ZNF451: variants seen among roughly 807,000 people sequenced by gnomAD.
The protein encoded by ZNF451 is zinc finger protein 451, also known as E3 SUMO-protein ligase ZNF451.
In ZNF451, 80 loss-of-function variants were observed where a neutral mutation model predicts 107.1. The ratio of observed to expected loss-of-function variants is 0.75; its 90% confidence interval spans 0.62 to 0.90. ZNF451 has a LOEUF of 0.90. ZNF451 is among the 40% of genes least tolerant of loss of function. The probability of loss-of-function intolerance (pLI) is 0.00; values close to 1 mark genes in which losing one functional copy is unlikely to be tolerated. For synonymous variants in ZNF451, 362 were observed against 406.5 expected (o/e 0.89, Z 1.32); for missense variants, 1,107 against 1,236.2 (o/e 0.90, Z 1.57).
chr6:57,108,260 T>C (rs762868447), intron 3 of ZNF451: 52 of 985,342 alleles, frequency 5.3e-5, no homozygotes, highest in Non-Finnish European at 5.9e-5. Context: ...TGAGCTATCA[T>C]AGTACTGTTT....
At chr6:57,104,486 TA>T in intron 3 of ZNF451, 2 of 985,424 alleles carry the variant, frequency 2.0e-6, no homozygotes, top group Non-Finnish European at 2.4e-6. Flanking sequence ...GAAATACTCT[TA>T]TTTCAAACCT....
chr6:57,105,027 A>G lies in ZNF451; in HGVS notation c.186+5886A>G, dbSNP rs535384142. On this transcript the variant is annotated intron_variant, in intron 3 of 14. Coordinates refer to ENST00000370706, the MANE Select transcript of ZNF451 (RefSeq NM_001031623.3). ...TTTTTATTATTTTAAAATCTCTGGCATACTTGAATGATAATGTTATAAAAC... is the reference window on the plus strand; with the variant it reads ...TTTTTATTATTTTAAAATCTCTGGCGTACTTGAATGATAATGTTATAAAAC... 49 of 983,600 alleles carry G rather than the reference A, an allele frequency of 5.0e-5. No individual in the cohort carries two copies. In the African/African-American group the frequency reaches 6.8e-4, roughly 14 times the overall value. 60.9% of individuals were successfully genotyped at this position (983,600 alleles called of 1,614,324 possible). A position where few individuals can be genotyped will look rare whatever the true frequency, so the allele number is the denominator to read the frequency against.
chr6:57,104,387 T>G (rs1490142571), intron 3 of ZNF451: 1 of 985,386 alleles, frequency 1.0e-6, no homozygotes. Flanking sequence ...TGTTTCTGAC[T>G]AGCTAAGGCT....
In ZNF451 at chr6:57,124,746, C is replaced by G; in HGVS notation, c.199C>G (p.Arg67Gly). The G allele has an allele frequency of 1.9e-6, 3 of 1,588,420 alleles. No homozygotes were observed. The highest frequency in any genetic ancestry group is 2.2e-5 in the South Asian group (2 of 89,540). Residue 67 changes from arginine to glycine, a missense_variant, in exon 4 of 15, where the codon CGT becomes GGT. By Grantham distance (125) the Arg-to-Gly change is moderately radical (BLOSUM62 -2). Coordinates refer to ENST00000370706, the MANE Select transcript of ZNF451 (RefSeq NM_001031623.3). ...TTTCATGTTATAGGAGAATATTAAA[C>G]GTAAAGACCATATTGATTATCAGAA... ...STSYTDENIK[R>G]KDHIDYQKDK...
chr6:57,104,721 AGAT>A, intron 3 of ZNF451: 1 of 985,404 alleles, frequency 1.0e-6, no homozygotes, highest in Non-Finnish European at 1.2e-6. Flanking sequence ...AATATTTGTA[AGAT>A]GATGTTGCTG....
intron 13 of ZNF451, among the ~76,000 whole-genome samples, chr6:57,159,996 AATAT>A (rs1439772473): frequency 6.6e-6 from 1 of 152,168 alleles, no homozygotes; most frequent in African/African-American, 2.4e-5. Context: ...TCTTGATATA[AATAT>A]ATATTGATTT....
Position 57,090,905 on chromosome 6 carries a change from A to G in ZNF451, c.105+11A>G, listed in dbSNP as rs1421714822. On this transcript the variant is annotated intron_variant, in intron 2 of 14. Transcript: ENST00000370706. ...ATTCAGTTTGTCAGTGTAAGTAGCA[A>G]TGATGATTGGGGTTTTCCCAGAGTA... 1.5e-4 allele frequency: 6 copies of G among 40,920 alleles called. No homozygotes were observed. Among genetic ancestry groups the G allele is most frequent in the Non-Finnish European group, 2.5e-4 (6 of 23,632 alleles). The allele number at this position is 40,920 out of a possible 1,614,324, so 2.5% of individuals were successfully genotyped here.
chr6:57,155,704 A>G (rs1763389602), intron 13 of ZNF451, among the ~76,000 whole-genome samples: 1 of 152,138 alleles, frequency 6.6e-6, no homozygotes, highest in Non-Finnish European at 1.5e-5. Context: ...TCTGTTTGGA[A>G]TGAGAGGTGA....
Position 57,099,701 on chromosome 6 carries a change from A to G in ZNF451, c.186+560A>G, listed in dbSNP as rs1057404404. 5.7e-6 allele frequency: 3 copies of G among 529,830 alleles called. No individual in the cohort carries two copies. The African/African-American group carries it at 5.7e-5, about 10-fold the overall frequency. 32.8% of individuals were successfully genotyped at this position (529,830 alleles called of 1,614,324 possible). ...GGTTGTAGGTTTGACCCTTGGACCA[A>G]TACTTCCCTTGCTCTGAGAATTGAA... On this transcript the variant is annotated intron_variant, in intron 3 of 14. Coordinates refer to ENST00000370706, the MANE Select transcript of ZNF451 (RefSeq NM_001031623.3).
intron 3 of ZNF451, chr6:57,116,181 A>G (rs1015252462): frequency 3.9e-5 from 6 of 152,140 alleles, no homozygotes; most frequent in African/African-American, 1.4e-4. Context: ...GCATTAGGGG[A>G]ATGGTAGAAA....
In ZNF451 at chr6:57,147,591, C is replaced by T. The variant is rs540970085; in HGVS notation, c.1506C>T (p.Val502=). 6.2e-7 allele frequency: 1 copy of T among 1,614,002 alleles called. No homozygotes were observed. Among genetic ancestry groups the T allele is most frequent in the African/African-American group, 1.3e-5 (1 of 75,014 alleles). ...SANTMGYKCV[V]CGKVCDDSGV... Reference sequence around the variant, plus strand: ...ACACAATGGGTTATAAATGTGTGGTCTGTGGAAAGGTATGTGATGATTCAG... The same window carrying T: ...ACACAATGGGTTATAAATGTGTGGTTTGTGGAAAGGTATGTGATGATTCAG... Residue 502 remains valine (V), a synonymous_variant, in exon 10 of 15, where the codon GTC becomes GTT. Coordinates refer to ENST00000370706, the MANE Select transcript of ZNF451 (RefSeq NM_001031623.3).
At chr6:57,104,098 G>C (rs1267996025) in intron 3 of ZNF451, 1 of 984,424 alleles carries the variant, frequency 1.0e-6, no homozygotes, top group Non-Finnish European at 1.2e-6. Context: ...TTATTTTTCT[G>C]TATTTTACTC....
In ZNF451 at chr6:57,124,716, A is replaced by T. The variant is rs759906334; in HGVS notation, c.187-18A>T. The stretch of plus-strand genomic sequence containing the variant: ...GCTAATTTTGTTAAAAGGAATGAAA[A>T]TTTTTTTCATGTTATAGGAGAATAT... On this transcript the variant is annotated intron_variant, in intron 3 of 14. Coordinates refer to ENST00000370706, the MANE Select transcript of ZNF451 (RefSeq NM_001031623.3). 2.6e-6 allele frequency: 4 copies of T among 1,533,414 alleles called. No homozygotes were observed. The highest frequency in any genetic ancestry group is 1.4e-5 in the African/African-American group (1 of 72,772). The allele number at this position is 1,533,414 out of a possible 1,614,324, so 95.0% of individuals were successfully genotyped here.
chr6:57,115,338 T>G (rs1352718242), intron 3 of ZNF451: 1 of 152,338 alleles, frequency 6.6e-6, no homozygotes, highest in South Asian at 2.1e-4. Context: ...AGTTTAACAT[T>G]ATCATTTCGT....
At chr6:57,107,015 T>G (rs1274752873) in intron 3 of ZNF451, 1 of 945,298 alleles carries the variant, frequency 1.1e-6, no homozygotes, top group Non-Finnish European at 1.3e-6. Flanking sequence ...TAGTGGAATA[T>G]TTTTTACTTC....
chr6:57,093,420 G>T (rs1278342588), intron 2 of ZNF451, among the ~76,000 whole-genome samples: 1 of 152,182 alleles, frequency 6.6e-6, no homozygotes, highest in Non-Finnish European at 1.5e-5. Flanking sequence ...ATTTGGCTGG[G>T]TGTCTTGGGG....
chr6:57,143,281 T>G (rs1831871930), intron 9 of ZNF451, among the ~76,000 whole-genome samples: 1 of 152,192 alleles, frequency 6.6e-6, no homozygotes, highest in South Asian at 2.1e-4. Context: ...CCTTGCCTCT[T>G]CTTGCTTAAA....
Position 57,148,511 on chromosome 6 carries a change from A to G in ZNF451, c.2426A>G (p.His809Arg). 6.2e-7 allele frequency: 1 copy of G among 1,614,162 alleles called. No individual in the cohort carries two copies. Among genetic ancestry groups the G allele is most frequent in the Non-Finnish European group, 8.5e-7 (1 of 1,179,998 alleles). The change falls in exon 10 of 15, where the codon CAT becomes CGT. Residue 809 changes from histidine (H) to arginine (R), a missense_variant. This residue lies in a region of ZNF451 where 608 missense variants were observed against 649.2 expected (regional missense o/e 0.94). Coordinates refer to ENST00000370706, the MANE Select transcript of ZNF451 (RefSeq NM_001031623.3). ...HDPESAQQHF[H>R]RKHCFLQKPS... ...CCTGAGAGTGCACAGCAGCATTTCCATAGAAAACATTGCTTCTTACAGAAA... is the reference window on the plus strand; with the variant it reads ...CCTGAGAGTGCACAGCAGCATTTCCGTAGAAAACATTGCTTCTTACAGAAA...
intron 3 of ZNF451, chr6:57,100,651 A>T (rs1379489253): frequency 6.5e-7 from 1 of 1,546,380 alleles, no homozygotes; most frequent in South Asian, 1.2e-5. Context: ...TCGCCCAGAA[A>T]TGTGCTCTAG....
Sources: allele counts gnomAD v4.1 joint callset (sites outside exome capture counted in the v4.1 genomes callset), GRCh38; gene constraint gnomAD v4.1.1; regional missense constraint gnomAD v4.1.1; transcripts MANE v1.5; gene names NCBI Gene and HGNC (gene_info 2026-07-23, HGNC 2026-07-21).